CSMD1: variants seen among roughly 807,000 people sequenced by gnomAD.
The protein encoded by CSMD1 is CUB and sushi domain-containing protein 1.
In CSMD1, 213 loss-of-function variants were observed where a neutral mutation model predicts 417.5. The observed-to-expected ratio is 0.51, with a 90% CI of 0.46 to 0.57. The LOEUF is 0.57. CSMD1 is among the 20% of genes least tolerant of loss of function. CSMD1 has a pLI of 0.00. For missense variants in CSMD1, 6,923 were observed against 4,529.7 expected (o/e 1.53, Z -15.17); for synonymous variants, 2,862 against 1,736.8 (o/e 1.65, Z -16.11).
At chr8:4,903,411 G>GT (rs749511999) in intron 1 of CSMD1, among the ~76,000 whole-genome samples, 1 of 152,150 alleles carries the variant, frequency 6.6e-6, no homozygotes, top group African/African-American at 2.4e-5. Flanking sequence ...AGTCCAAGCA[G>GT]TTGAGTGACT....
At chr8:4,112,481 C>A (rs1395497353) in intron 3 of CSMD1, among the ~76,000 whole-genome samples, 9 of 152,168 alleles carry the variant, frequency 5.9e-5, no homozygotes, top group Non-Finnish European at 1.3e-4. Flanking sequence ...ACCCTCCTGC[C>A]AATGGAGTGA....
At chr8:4,188,723 C>T (rs1009116590) in intron 3 of CSMD1, among the ~76,000 whole-genome samples, 2 of 151,526 alleles carry the variant, frequency 1.3e-5, no homozygotes, top group African/African-American at 2.4e-5. Flanking sequence ...ACATAATAAA[C>T]AATTTTTGAG....
At chr8:4,159,181 G>T (rs1563202268) in intron 3 of CSMD1, among the ~76,000 whole-genome samples, 3 of 152,112 alleles carry the variant, frequency 2.0e-5, no homozygotes, top group Admixed American at 1.3e-4. Context: ...CTCCCAAAGT[G>T]CTGGGATTAC....
intron 1 of CSMD1, among the ~76,000 whole-genome samples, chr8:4,820,230 T>C (rs1056619521): frequency 1.3e-5 from 2 of 152,148 alleles, no homozygotes; most frequent in Non-Finnish European, 2.9e-5. Flanking sequence ...CATTATTGAA[T>C]TGTAGCGGTG....
intron 16 of CSMD1, among the ~76,000 whole-genome samples, chr8:3,399,155 G>A (rs1209494089): frequency 6.6e-6 from 1 of 152,116 alleles, no homozygotes. Flanking sequence ...CTCGGGAATG[G>A]TCCTCCAGGA....
chr8:4,693,637 G>C (rs546016123), intron 1 of CSMD1, among the ~76,000 whole-genome samples: 1 of 152,028 alleles, frequency 6.6e-6, no homozygotes, highest in Non-Finnish European at 1.5e-5. Flanking sequence ...TTTTCAAATG[G>C]GTGATCTTTC....
chr8:3,324,956 T>C (rs1349218139), intron 23 of CSMD1, among the ~76,000 whole-genome samples: 2 of 152,226 alleles, frequency 1.3e-5, no homozygotes, highest in Non-Finnish European at 2.9e-5. Context: ...CAGTGTTTTC[T>C]GAAATTTTTA....
intron 37 of CSMD1, among the ~76,000 whole-genome samples, chr8:3,179,747 T>C (rs1306936479): frequency 6.6e-6 from 1 of 152,232 alleles, no homozygotes; most frequent in East Asian, 1.9e-4. Flanking sequence ...GCTTATGTTT[T>C]TCTATCTACA....
intron 5 of CSMD1, among the ~76,000 whole-genome samples, chr8:3,997,109 T>G (rs944086056): frequency 1.3e-5 from 2 of 152,212 alleles, no homozygotes; most frequent in Admixed American, 6.5e-5. Flanking sequence ...AACAGATAAC[T>G]GAAGCAGTTT....
chr8:3,230,180 C>A lies in CSMD1; in HGVS notation c.4205G>T (p.Arg1402Leu), dbSNP rs758153692. The change falls in exon 27 of 70, where the codon CGC becomes CTC. Residue 1402 changes from arginine (R) to leucine (L), a missense_variant. Coordinates refer to ENST00000635120, the MANE Select transcript of CSMD1 (RefSeq NM_033225.6). ...NDPGMPQNGT[R>L]YGDSREAGDT... ...TCCAGCCTCTCTGCTGTCTCCATAG[C>A]GGGTGCCATTTTGGGGCATACCTGG... 2 of 1,611,886 alleles carry A rather than the reference C, an allele frequency of 1.2e-6. No homozygotes were observed. The highest frequency in any genetic ancestry group is 1.7e-6 in the Non-Finnish European group (2 of 1,179,022).
At chr8:4,230,718 T>C (rs905305654) in intron 3 of CSMD1, among the ~76,000 whole-genome samples, 14 of 152,200 alleles carry the variant, frequency 9.2e-5, no homozygotes, top group Admixed American at 2.6e-4. Context: ...CTTTAATGAC[T>C]ATAAATATAA....
intron 1 of CSMD1, among the ~76,000 whole-genome samples, chr8:4,857,519 G>A (rs1801874440): frequency 6.6e-6 from 1 of 152,202 alleles, no homozygotes; most frequent in East Asian, 1.9e-4. Flanking sequence ...TAGACCGCTA[G>A]CAAGACTAAT....
intron 23 of CSMD1, among the ~76,000 whole-genome samples, chr8:3,315,157 A>T (rs1037203016): frequency 5.3e-5 from 8 of 152,194 alleles, no homozygotes; most frequent in Non-Finnish European, 2.9e-5. Flanking sequence ...AATGACTCTC[A>T]TGTGAAAAAA....
intron 5 of CSMD1, among the ~76,000 whole-genome samples, chr8:3,843,223 T>C (rs147017073): frequency 1.1e-3 from 164 of 152,296 alleles, no homozygotes; most frequent in Middle Eastern, 3.4e-3. Flanking sequence ...CATTTTTTTG[T>C]AATTAACACA....
chr8:3,170,352 C>T (rs7013073), intron 37 of CSMD1, among the ~76,000 whole-genome samples: 53 of 152,142 alleles, frequency 3.5e-4, no homozygotes, highest in African/African-American at 4.3e-4. Context: ...GGACTACAGG[C>T]GCCTACCACC....
chr8:4,621,095 T>A, intron 2 of CSMD1, among the ~76,000 whole-genome samples: 1 of 152,040 alleles, frequency 6.6e-6, no homozygotes, highest in East Asian at 1.9e-4. Context: ...AGCAGCTGAG[T>A]ATTTCTTATC....
At chr8:4,415,910 T>C (rs1021562664) in intron 3 of CSMD1, among the ~76,000 whole-genome samples, 1 of 152,232 alleles carries the variant, frequency 6.6e-6, no homozygotes, top group Admixed American at 6.5e-5. Context: ...TCTGTAGATG[T>C]ACAGACATGT....
intron 5 of CSMD1, among the ~76,000 whole-genome samples, chr8:3,903,441 C>T (rs972252518): frequency 6.6e-6 from 1 of 152,072 alleles, no homozygotes; most frequent in African/African-American, 2.4e-5. Context: ...TTAACATACA[C>T]ATTATGTAAA....
At position 3,404,979 on chromosome 8, in the gene CSMD1, T is replaced by A. The variant is rs763722748; in HGVS notation, c.2266+1048A>T. ...ACCTGTATAGTTGCTTATTTCTTTA[T>A]GATATTGATCCAGGAATATAACTTA... On this transcript the variant is annotated intron_variant, in intron 15 of 69. Coordinates refer to ENST00000635120, the MANE Select transcript of CSMD1 (RefSeq NM_033225.6). 3.9e-5 allele frequency among the ~76,000 whole-genome samples: 6 copies of A among 152,220 alleles called. No homozygotes were observed. The South Asian group carries it at 1.2e-3, about 32-fold the overall frequency.
Sources: gnomAD v4.1 joint callset for allele counts (sites outside exome capture counted in the v4.1 genomes callset) on GRCh38, gnomAD v4.1.1 for gene constraint, MANE v1.5 for transcripts, NCBI Gene and HGNC (gene_info 2026-07-23, HGNC 2026-07-21) for gene names.